ARIH2: variants seen among roughly 807,000 people sequenced by gnomAD.
ARIH2 encodes E3 ubiquitin-protein ligase ARIH2.
A neutral mutation model predicts 79.8 loss-of-function variants in ARIH2; 12 were observed. That is an observed-to-expected ratio of 0.15 (90% CI 0.10 to 0.24). The LOEUF is 0.24. Among genes scored for constraint, ARIH2 ranks in the 10% least tolerant of loss-of-function variants. The pLI is 1.00. For missense variants in ARIH2, 301 were observed against 618.3 expected (o/e 0.49, Z 5.44); for synonymous variants, 224 against 213.9 (o/e 1.05, Z -0.41).
At chr3:48,972,077 G>A (rs768203874) in intron 8 of ARIH2, among the ~76,000 whole-genome samples, 2 of 152,084 alleles carry the variant, frequency 1.3e-5, no homozygotes, top group African/African-American at 2.4e-5. Context: ...TGGGAGATCC[G>A]ATGAGACTCC....
chr3:48,927,406 C>T (rs1178735569), intron 2 of ARIH2, 56 bp from the exon 3 acceptor site: 1 of 918,330 alleles, frequency 1.1e-6, no homozygotes, highest in Non-Finnish European at 1.6e-6. Flanking sequence ...TGAATGGTTT[C>T]TGTTACAACT....
chr3:48,938,043 T>G (rs2087432688), intron 3 of ARIH2, among the ~76,000 whole-genome samples: 1 of 87,000 alleles, frequency 1.1e-5, no homozygotes, highest in Non-Finnish European at 2.3e-5. Flanking sequence ...CCAGACTCCG[T>G]CTCAAAAAAA....
At chr3:48,947,134 C>T (rs2089273105) in intron 3 of ARIH2, among the ~76,000 whole-genome samples, 1 of 152,032 alleles carries the variant, frequency 6.6e-6, no homozygotes, top group Non-Finnish European at 1.5e-5. Context: ...AAGCCTTGGT[C>T]AGGGAGATCA....
intron 3 of ARIH2, among the ~76,000 whole-genome samples, chr3:48,948,799 A>T (rs949284337): frequency 2.6e-5 from 4 of 152,198 alleles, no homozygotes; most frequent in African/African-American, 9.7e-5. Context: ...TGAATTATAC[A>T]ATATGTAATC....
At chr3:48,940,922 CACT>C (rs1470508207) in intron 3 of ARIH2, among the ~76,000 whole-genome samples, 1 of 151,194 alleles carries the variant, frequency 6.6e-6, no homozygotes, top group Non-Finnish European at 1.5e-5. Context: ...GTAATCCCAG[CACT>C]TTGGGAGGCG....
chr3:48,943,694 A>G (rs2088690153), intron 3 of ARIH2, among the ~76,000 whole-genome samples: 1 of 152,188 alleles, frequency 6.6e-6, no homozygotes, highest in Non-Finnish European at 1.5e-5. Context: ...AGCTAAGGAA[A>G]GCAGTCGATG....
intron 3 of ARIH2, among the ~76,000 whole-genome samples, chr3:48,949,840 T>TA (rs1467004896): frequency 2.6e-5 from 4 of 152,116 alleles, no homozygotes; most frequent in Non-Finnish European, 5.9e-5. Flanking sequence ...ATCTTTTTTT[T>TA]ACTCCATCTA....
intron 1 of ARIH2, chr3:48,921,377 C>G (rs906781371): frequency 6.9e-6 from 1 of 145,676 alleles, no homozygotes. Flanking sequence ...TTTGGAGGAG[C>G]CTGGAGTTTT....
Position 48,984,708 on chromosome 3 carries a change from C to T in ARIH2, c.*1438C>T, listed in dbSNP as rs1437819244. 1 of 152,168 alleles carries T rather than the reference C, an allele frequency of 6.6e-6. No individual in the cohort carries two copies. Among genetic ancestry groups the T allele is most frequent in the Non-Finnish European group, 1.5e-5 (1 of 68,046 alleles). The allele number at this position is 152,168 out of a possible 1,614,324, so 9.4% of individuals were successfully genotyped here. ...TACTCTCCCAAGCCTGCTTGACCTC[C>T]AAGTAGAGCTGATACAGAGATCTGT... On this transcript the variant is annotated 3_prime_UTR_variant, in exon 16 of 16. Transcript: ENST00000356401.
In ARIH2 at chr3:48,984,700, T is replaced by C. The variant is rs1427518348; in HGVS notation, c.*1430T>C. On this transcript the variant is annotated 3_prime_UTR_variant, in exon 16 of 16. Transcript: ENST00000356401. ...GCAGTCTATACTCTCCCAAGCCTGC[T>C]TGACCTCCAAGTAGAGCTGATACAG... 6.6e-6 allele frequency: 1 copy of C among 152,236 alleles called. No individual in the cohort carries two copies. Among genetic ancestry groups the C allele is most frequent in the Non-Finnish European group, 1.5e-5 (1 of 68,050 alleles). 9.4% of individuals were successfully genotyped at this position (152,236 alleles called of 1,614,324 possible).
chr3:48,972,697 C>T (rs960834245), intron 8 of ARIH2, among the ~76,000 whole-genome samples: 3 of 152,068 alleles, frequency 2.0e-5, no homozygotes, highest in Non-Finnish European at 4.4e-5. Flanking sequence ...GTTGGTTGGT[C>T]TCAAACTCCT....
At chr3:48,926,478 C>T (rs2085633492) in intron 2 of ARIH2, among the ~76,000 whole-genome samples, 1 of 151,616 alleles carries the variant, frequency 6.6e-6, no homozygotes, top group African/African-American at 2.4e-5. Context: ...CCATATTAGC[C>T]AGGCTGGTCT....
chr3:48,921,812 C>T lies in ARIH2; in HGVS notation c.-161-936C>T, dbSNP rs918183787. ...TGTCGCCTAGACTGGAGTGTAGTGGCGTGATCTTGGCTCACTGCAGCCTCA... is the reference window on the plus strand; with the variant it reads ...TGTCGCCTAGACTGGAGTGTAGTGGTGTGATCTTGGCTCACTGCAGCCTCA... On this transcript the variant is annotated intron_variant, in intron 1 of 15. Transcript: ENST00000356401. 8.0e-5 allele frequency among the ~76,000 whole-genome samples: 12 copies of T among 150,286 alleles called. No homozygotes were observed. In the South Asian group the frequency reaches 8.4e-4, roughly 11 times the overall value.
chr3:48,973,575 CAAAAAA>C (rs537764456), intron 8 of ARIH2, 118 bp from the exon 9 acceptor site: 15 of 436,530 alleles, frequency 3.4e-5, no homozygotes, highest in Non-Finnish European at 5.0e-5. Context: ...GACTCTGTCT[CAAAAAA>C]AAAAAAAAAA....
chr3:48,923,858 G>A (rs576753679), intron 2 of ARIH2, among the ~76,000 whole-genome samples: 100 of 152,318 alleles, frequency 6.6e-4, no homozygotes, highest in Non-Finnish European at 1.1e-3. Flanking sequence ...TGTAGGCTGG[G>A]CACAGTGGCT....
chr3:48,941,353 G>A (rs899481078), intron 3 of ARIH2, among the ~76,000 whole-genome samples: 15 of 152,054 alleles, frequency 9.9e-5, no homozygotes, highest in Non-Finnish European at 1.5e-5. Flanking sequence ...TCAAAAAGTT[G>A]GGACTTGAAA....
chr3:48,932,880 T>C (rs2086559939), intron 3 of ARIH2, among the ~76,000 whole-genome samples: 1 of 151,836 alleles, frequency 6.6e-6, no homozygotes, highest in South Asian at 2.1e-4. Context: ...ACCTTGAAGG[T>C]GGTGTAGAAG....
In ARIH2 at chr3:48,983,959, G is replaced by C. The variant is rs192537754; in HGVS notation, c.*689G>C. ...CCACGGGGTGTTGTTGTCTCTGGTG[G>C]TGCTGCATGTCTGTGGCTCACCTTT... On this transcript the variant is annotated 3_prime_UTR_variant, in exon 16 of 16. Coordinates refer to ENST00000356401, the MANE Select transcript of ARIH2 (RefSeq NM_006321.4). The C allele has an allele frequency of 6.6e-6, 1 of 152,424 alleles. No homozygotes were observed. Among genetic ancestry groups the C allele is most frequent in the African/African-American group, 2.4e-5 (1 of 41,456 alleles). 9.4% of individuals were successfully genotyped at this position (152,424 alleles called of 1,614,324 possible).
At chr3:48,959,173 C>T (rs6786665) in intron 3 of ARIH2, among the ~76,000 whole-genome samples, 101,732 of 150,844 alleles carry the variant, frequency 0.67, 34,806 homozygotes, top group East Asian at 0.96. Context: ...AAAATTAGCC[C>T]GGTGTGGTGG....
Sources: gnomAD v4.1 joint callset for allele counts (sites outside exome capture counted in the v4.1 genomes callset) on GRCh38, gnomAD v4.1.1 for gene constraint, MANE v1.5 for transcripts, NCBI Gene and HGNC (gene_info 2026-07-23, HGNC 2026-07-21) for gene names.